The following TRAPPC9 variants were observed in gnomAD, a reference collection of about 807,000 sequenced individuals.
TRAPPC9 encodes the protein IKK2 binding protein.
Under a neutral mutation model 124.0 loss-of-function variants are expected in TRAPPC9, and 83 were observed. That is an observed-to-expected ratio of 0.67 (90% CI 0.56 to 0.80). The LOEUF (loss-of-function observed/expected upper bound fraction) is 0.80. Ranked by LOEUF, TRAPPC9 falls within the 30% of genes least tolerant of loss-of-function variation. The probability of loss-of-function intolerance (pLI) is 0.00; values close to 1 mark genes in which losing one functional copy is unlikely to be tolerated. For missense variants in TRAPPC9, 1,302 were observed against 1,508.3 expected (o/e 0.86, Z 2.27); for synonymous variants, 638 against 617.5 (o/e 1.03, Z -0.49).
intron 17 of TRAPPC9, among the ~76,000 whole-genome samples, chr8:140,028,059 T>G (rs907105357): frequency 6.6e-6 from 1 of 152,066 alleles, no homozygotes; most frequent in Non-Finnish European, 1.5e-5. Flanking sequence ...CTGCCTTACC[T>G]CTTTGAGATA....
At chr8:140,381,861 T>C (rs1170439387) in intron 7 of TRAPPC9, among the ~76,000 whole-genome samples, 2 of 152,036 alleles carry the variant, frequency 1.3e-5, no homozygotes, top group Non-Finnish European at 2.9e-5. Context: ...CTGGTAGAAA[T>C]GTAAAATGGT....
chr8:139,961,643 G>T (rs1835377768), intron 19 of TRAPPC9, among the ~76,000 whole-genome samples: 1 of 122,774 alleles, frequency 8.1e-6, no homozygotes, highest in Admixed American at 8.6e-5. Flanking sequence ...CTGCACCCTT[G>T]GGGGCCCCAG....
intron 9 of TRAPPC9, among the ~76,000 whole-genome samples, chr8:140,341,250 G>A (rs934628668): frequency 4.6e-5 from 7 of 152,138 alleles, no homozygotes; most frequent in African/African-American, 1.7e-4. Context: ...CAGCTCCACA[G>A]GATGAATCCA....
intron 19 of TRAPPC9, among the ~76,000 whole-genome samples, chr8:139,952,740 C>T (rs2131514887): frequency 6.6e-6 from 1 of 152,372 alleles, no homozygotes; most frequent in East Asian, 1.9e-4. Context: ...TCGACTCACA[C>T]TGCCAGGGTG....
intron 3 of TRAPPC9, among the ~76,000 whole-genome samples, chr8:140,435,726 T>TG (rs1223315765): frequency 9.9e-5 from 15 of 152,242 alleles, no homozygotes. Context: ...CATAGGCATC[T>TG]GCTCCTTTTG....
At chr8:139,755,732 G>A (rs1196264911) in intron 21 of TRAPPC9, among the ~76,000 whole-genome samples, 3 of 137,488 alleles carry the variant, frequency 2.2e-5, no homozygotes, top group Admixed American at 7.2e-5. Context: ...GCCAGGGTTT[G>A]GGGATGAGGA....
intron 21 of TRAPPC9, among the ~76,000 whole-genome samples, chr8:139,813,095 G>A (rs1050842808): frequency 4.6e-5 from 7 of 152,242 alleles, no homozygotes; most frequent in African/African-American, 9.6e-5. Context: ...TGCAGAGGCC[G>A]GGTGCCAGCT....
At chr8:140,376,041 G>T (rs2068428135) in intron 7 of TRAPPC9, among the ~76,000 whole-genome samples, 1 of 152,176 alleles carries the variant, frequency 6.6e-6, no homozygotes, top group Admixed American at 6.5e-5. Flanking sequence ...AAAAAAGTTT[G>T]TTAAAAACAT....
At chr8:140,447,126 C>T (rs1482813948) in intron 2 of TRAPPC9, among the ~76,000 whole-genome samples, 5 of 152,072 alleles carry the variant, frequency 3.3e-5, no homozygotes, top group African/African-American at 4.8e-5. Context: ...CCCCTAAAGC[C>T]GCCTAAATCA....
Position 140,257,814 on chromosome 8 carries a change from CT to C in TRAPPC9, c.2279-4886del. Among the ~76,000 whole-genome samples, 1 of 152,312 alleles carries C rather than the reference CT, an allele frequency of 6.6e-6. No homozygotes were observed. Among genetic ancestry groups the C allele is most frequent in the African/African-American group, 2.4e-5 (1 of 41,560 alleles). On this transcript the variant is annotated intron_variant, in intron 15 of 22. Transcript: ENST00000438773. This position sits in a 1 kb window ranked among gnomAD's most constrained non-coding sequence, Gnocchi z 4.6. ...GCCCTCCCGCCATGCCTGCAAACACCTGCACATGCCTCCAGGACAGGCTCCA... is the reference window on the plus strand; with the variant it reads ...GCCCTCCCGCCATGCCTGCAAACACCGCACATGCCTCCAGGACAGGCTCCA...
At chr8:139,993,386 T>A (rs2614745) in intron 18 of TRAPPC9, among the ~76,000 whole-genome samples, 120,435 of 152,160 alleles carry the variant, frequency 0.79, 48,583 homozygotes, top group East Asian at 0.93. Flanking sequence ...AACCTATTGG[T>A]AATATTTTTA....
chr8:140,219,164 A>G (rs1166342720), intron 17 of TRAPPC9, among the ~76,000 whole-genome samples: 1 of 152,112 alleles, frequency 6.6e-6, no homozygotes, highest in Admixed American at 6.5e-5. Flanking sequence ...GTTTCTATAA[A>G]CTTTATACAA....
chr8:139,802,490 G>A (rs1823608410), intron 21 of TRAPPC9, among the ~76,000 whole-genome samples: 1 of 152,318 alleles, frequency 6.6e-6, no homozygotes, highest in Admixed American at 6.5e-5. Context: ...ACCACCCAGT[G>A]AGGACTCAGG....
At chr8:140,161,001 T>A (rs145267909) in intron 17 of TRAPPC9, among the ~76,000 whole-genome samples, 98 of 152,296 alleles carry the variant, frequency 6.4e-4, no homozygotes, top group African/African-American at 2.3e-3. Flanking sequence ...CAGAAGTGGC[T>A]ATTTTTATCC....
At position 140,104,767 on chromosome 8, in the gene TRAPPC9, C is replaced by T. The variant is rs781310377; in HGVS notation, c.2557-80688G>A. Among the ~76,000 whole-genome samples the T allele has an allele frequency of 1.3e-5, 2 of 152,208 alleles. No individual in the cohort carries two copies. Among genetic ancestry groups the T allele is most frequent in the Non-Finnish European group, 2.9e-5 (2 of 68,038 alleles). On this transcript the variant is annotated intron_variant, in intron 17 of 22. Coordinates refer to ENST00000438773, the MANE Select transcript of TRAPPC9 (RefSeq NM_001160372.4). This position sits in a 1 kb window ranked among gnomAD's most constrained non-coding sequence, Gnocchi z 4.0. ...CAGCTAACAGAAGAACGGTTCACAC[C>T]GACAAGGTACTTCTTAAACATCCTT...
intron 21 of TRAPPC9, among the ~76,000 whole-genome samples, chr8:139,789,137 T>C (rs1157808269): frequency 6.6e-6 from 1 of 152,172 alleles, no homozygotes; most frequent in African/African-American, 2.4e-5. Flanking sequence ...AAGTGCTCCA[T>C]TCACTTTGGC....
At chr8:139,990,845 C>A (rs2131722325) in intron 18 of TRAPPC9, among the ~76,000 whole-genome samples, 1 of 152,018 alleles carries the variant, frequency 6.6e-6, no homozygotes, top group African/African-American at 2.4e-5. Context: ...CCTAGGCCTC[C>A]CAAAGTGTTG....
At chr8:140,095,869 G>A (rs983811146) in intron 17 of TRAPPC9, 2 of 152,190 alleles carry the variant, frequency 1.3e-5, no homozygotes, top group Non-Finnish European at 2.9e-5. Flanking sequence ...GAAGAGCGGT[G>A]CCTCTCCGAG....
chr8:140,122,732 GGT>G (rs2061011257), intron 17 of TRAPPC9, among the ~76,000 whole-genome samples: 1 of 152,198 alleles, frequency 6.6e-6, no homozygotes, highest in Non-Finnish European at 1.5e-5. Context: ...AGCTGCCTCA[GGT>G]GTCTGAGGAG....
Sources: gnomAD v4.1 joint callset for allele counts (sites outside exome capture counted in the v4.1 genomes callset) on GRCh38, gnomAD v4.1.1 for gene constraint, Gnocchi (gnomAD v3.1) non-coding constraint, MANE v1.5 for transcripts, NCBI Gene and HGNC (gene_info 2026-07-23, HGNC 2026-07-21) for gene names.